NCALD: variants seen among roughly 807,000 people sequenced by gnomAD.
NCALD encodes the protein neurocalcin delta.
A neutral mutation model predicts 18.6 loss-of-function variants in NCALD; 10 were observed. The observed-to-expected ratio is 0.54, with a 90% CI of 0.33 to 0.91. The LOEUF (loss-of-function observed/expected upper bound fraction) is 0.91, where lower values mean the gene tolerates loss of function less well. NCALD is among the 40% of genes least tolerant of loss of function. The pLI is 0.03. For synonymous variants in NCALD, 88 were observed against 87.4 expected (o/e 1.01, Z -0.04); for missense variants, 184 against 247.6 (o/e 0.74, Z 1.72).
At chr8:102,082,459 G>A (rs771873321) in intron 1 of NCALD, among the ~76,000 whole-genome samples, 5 of 151,838 alleles carry the variant, frequency 3.3e-5, no homozygotes, top group Admixed American at 1.3e-4. Flanking sequence ...AATGAAAGGA[G>A]CTTCTTATTG....
intron 2 of NCALD, among the ~76,000 whole-genome samples, chr8:101,711,510 C>T (rs764545517): frequency 6.6e-6 from 1 of 151,908 alleles, no homozygotes; most frequent in Non-Finnish European, 1.5e-5. Context: ...TGCAAGGAAG[C>T]TAAGAACCTT....
At chr8:101,823,399 C>T (rs1813800568) in intron 4 of NCALD, among the ~76,000 whole-genome samples, 1 of 152,204 alleles carries the variant, frequency 6.6e-6, no homozygotes, top group African/African-American at 2.4e-5. Flanking sequence ...CAATGGTCTT[C>T]CTTCAAGTCT....
chr8:101,690,442 T>A, intron 3 of NCALD: 1 of 985,474 alleles, frequency 1.0e-6, no homozygotes, highest in Non-Finnish European at 1.2e-6. Flanking sequence ...CCGGCCTGCC[T>A]GGCTCTGCAC....
At chr8:102,095,565 C>T (rs1825065483) in intron 1 of NCALD, among the ~76,000 whole-genome samples, 1 of 152,092 alleles carries the variant, frequency 6.6e-6, no homozygotes, top group Non-Finnish European at 1.5e-5. Flanking sequence ...TTAGTGGGTT[C>T]ATTAAAAGGT....
intron 2 of NCALD, among the ~76,000 whole-genome samples, chr8:101,951,954 C>T (rs1480862802): frequency 6.6e-6 from 1 of 152,146 alleles, no homozygotes; most frequent in Non-Finnish European, 1.5e-5. Context: ...CTGGACTAAG[C>T]GAGAGAGAGG....
intron 1 of NCALD, among the ~76,000 whole-genome samples, chr8:101,776,437 C>T (rs1811794655): frequency 2.0e-5 from 3 of 152,138 alleles, no homozygotes; most frequent in South Asian, 4.1e-4. Context: ...TAACAGCCTG[C>T]TTCCTTTTGA....
At chr8:101,727,495 G>A (rs939935894) in intron 1 of NCALD, among the ~76,000 whole-genome samples, 8 of 152,008 alleles carry the variant, frequency 5.3e-5, no homozygotes, top group South Asian at 2.1e-4. Flanking sequence ...ACAGGGTCTC[G>A]CAATGTCACC....
intron 1 of NCALD, among the ~76,000 whole-genome samples, chr8:102,095,527 T>C (rs1281892508): frequency 1.3e-5 from 2 of 152,202 alleles, no homozygotes; most frequent in Non-Finnish European, 2.9e-5. Flanking sequence ...GCTCCAATTT[T>C]ATATTTTATA....
At chr8:102,026,577 C>T (rs757911699) in intron 1 of NCALD, among the ~76,000 whole-genome samples, 29 of 152,212 alleles carry the variant, frequency 1.9e-4, no homozygotes, top group Non-Finnish European at 3.2e-4. Flanking sequence ...ACATCTGTAG[C>T]TTTGCAGGGT....
At chr8:101,872,225 C>A in intron 4 of NCALD, 2 of 1,481,888 alleles carry the variant, frequency 1.3e-6, no homozygotes, top group South Asian at 2.3e-5. Context: ...CCCTCACTGG[C>A]TTTGGTAACT....
At chr8:101,797,776 ACTGCACTC>A (rs1225173288) in intron 4 of NCALD, among the ~76,000 whole-genome samples, 1 of 151,866 alleles carries the variant, frequency 6.6e-6, no homozygotes, top group Non-Finnish European at 1.5e-5. Context: ...AGATCATGCC[ACTGCACTC>A]CAGCCTGGTG....
chr8:102,051,437 A>G (rs1573313), intron 1 of NCALD, among the ~76,000 whole-genome samples: 21,364 of 147,768 alleles, frequency 0.14, 1,781 homozygotes, highest in Non-Finnish European at 0.19. Flanking sequence ...GCGCTCCCCA[A>G]AGCAATTCTC....
chr8:101,705,676 T>A (rs1398967163), intron 2 of NCALD, among the ~76,000 whole-genome samples: 1 of 152,188 alleles, frequency 6.6e-6, no homozygotes, highest in Non-Finnish European at 1.5e-5. Flanking sequence ...GTTCTCTTTC[T>A]TGGGACCTGC....
Position 101,688,733 on chromosome 8 carries a change from A to T in NCALD, c.*576T>A. The T allele has an allele frequency of 2.0e-6, 1 of 512,738 alleles. No homozygotes were observed. Among genetic ancestry groups the T allele is most frequent in the Non-Finnish European group, 3.8e-6 (1 of 264,612 alleles). The allele number at this position is 512,738 out of a possible 1,614,324, so 31.8% of individuals were successfully genotyped here. On this transcript the variant is annotated 3_prime_UTR_variant, in exon 4 of 4. Coordinates refer to ENST00000220931, the MANE Select transcript of NCALD (RefSeq NM_032041.3). Reference sequence around the variant, plus strand: ...TCTTTTTCCTCTCCTCTGTTAATTTATCTTGAAATGTTCACAGCTTAGAAA... The same window carrying T: ...TCTTTTTCCTCTCCTCTGTTAATTTTTCTTGAAATGTTCACAGCTTAGAAA...
At chr8:101,754,597 C>T (rs116848522) in intron 1 of NCALD, among the ~76,000 whole-genome samples, 273 of 152,218 alleles carry the variant, frequency 1.8e-3, no homozygotes, top group Non-Finnish European at 3.2e-3. Context: ...AATCACTTCT[C>T]AAAGGTCTCA....
intron 2 of NCALD, chr8:101,694,358 C>T (rs911824897): frequency 6.6e-6 from 1 of 152,112 alleles, no homozygotes; most frequent in African/African-American, 2.4e-5. Context: ...TACAGTCTTG[C>T]TCAGGACCAA....
At chr8:102,010,966 G>T (rs1381488414) in intron 2 of NCALD, among the ~76,000 whole-genome samples, 1 of 152,112 alleles carries the variant, frequency 6.6e-6, no homozygotes, top group African/African-American at 2.4e-5. Context: ...CCATGAATAA[G>T]CTGTGAATTT....
chr8:102,124,146 C>T (rs1826035706), intron 1 of NCALD: 1 of 152,132 alleles, frequency 6.6e-6, no homozygotes, highest in Non-Finnish European at 1.5e-5. Flanking sequence ...CACGGGTCCC[C>T]CCCAGCAGCC....
chr8:101,990,292 G>A (rs1820991115), intron 2 of NCALD, among the ~76,000 whole-genome samples: 1 of 152,190 alleles, frequency 6.6e-6, no homozygotes, highest in African/African-American at 2.4e-5. Context: ...GACCTAGGAG[G>A]TACAATGAAC....
Sources: allele counts gnomAD v4.1 joint callset (sites outside exome capture counted in the v4.1 genomes callset), GRCh38; gene constraint gnomAD v4.1.1; transcripts MANE v1.5; gene names NCBI Gene and HGNC (gene_info 2026-07-23, HGNC 2026-07-21).